Variants in ZNF599 observed in about 807,000 individuals in gnomAD.
ZNF599 encodes zinc finger protein 599.
A neutral mutation model predicts 11.7 loss-of-function variants in ZNF599; 10 were observed. The ratio of observed to expected loss-of-function variants is 0.86; its 90% CI spans 0.53 to 1.45. ZNF599 has a LOEUF of 1.45. Ranked by LOEUF, ZNF599 falls within the 40% of genes most tolerant of loss-of-function variation. The pLI is 0.00. For synonymous variants in ZNF599, 232 were observed against 253.2 expected (o/e 0.92, Z 0.79); for missense variants, 688 against 713.6 (o/e 0.96, Z 0.41).
intron 2 of ZNF599, among the ~76,000 whole-genome samples, chr19:34,768,103 G>A (rs186671406): frequency 3.3e-5 from 5 of 152,258 alleles, no homozygotes; most frequent in African/African-American, 9.6e-5. Flanking sequence ...GTCCTGGCAC[G>A]CATCCAGCTG....
At chr19:34,765,093 T>A (rs878899891) in intron 3 of ZNF599, 3 of 152,170 alleles carry the variant, frequency 2.0e-5, no homozygotes, top group Non-Finnish European at 4.4e-5. Flanking sequence ...CATTTTTTTT[T>A]AATGTTGAGT....
upstream of ZNF599, among the ~76,000 whole-genome samples, chr19:34,775,696 T>C (rs2069214700): frequency 6.6e-6 from 1 of 152,252 alleles, no homozygotes; most frequent in Non-Finnish European, 1.5e-5. Flanking sequence ...AACACTGCTG[T>C]AACTTAGACC....
the ZNF599 span, among the ~76,000 whole-genome samples, chr19:34,800,594 T>TG: frequency 6.8e-6 from 1 of 146,726 alleles, no homozygotes; most frequent in Non-Finnish European, 1.5e-5. Flanking sequence ...TTGTTTTTTT[T>TG]TTTTTTTTTT....
At chr19:34,765,545 C>T (rs752538080) in intron 3 of ZNF599, 27 of 702,662 alleles carry the variant, frequency 3.8e-5, no homozygotes, top group South Asian at 1.2e-4. Flanking sequence ...TAGTAGATGG[C>T]TAATACACCT....
At position 34,758,976 on chromosome 19, in the gene ZNF599, G is replaced by A; in HGVS notation, c.*58C>T. 1 of 1,505,740 alleles carries A rather than the reference G, an allele frequency of 6.6e-7. No individual in the cohort carries two copies. Among genetic ancestry groups the A allele is most frequent in the Non-Finnish European group, 9.0e-7 (1 of 1,116,604 alleles). 93.3% of individuals were successfully genotyped at this position (1,505,740 alleles called of 1,614,324 possible). On this transcript the variant is annotated 3_prime_UTR_variant, in exon 4 of 4. Coordinates refer to ENST00000329285, the MANE Select transcript of ZNF599 (RefSeq NM_001007248.3). Reference sequence around the variant, plus strand: ...TAGTTATACTCAAAAGGAAAGGTATGTCACCACTATGAGTTCACTAAAGAC... The same window carrying A: ...TAGTTATACTCAAAAGGAAAGGTATATCACCACTATGAGTTCACTAAAGAC...
At chr19:34,804,297 C>T in the ZNF599 span, among the ~76,000 whole-genome samples, 1 of 152,266 alleles carries the variant, frequency 6.6e-6, no homozygotes, top group Non-Finnish European at 1.5e-5. Context: ...TCTGTATCCA[C>T]ATGAATGTCT....
the ZNF599 span, among the ~76,000 whole-genome samples, chr19:34,797,893 G>A: frequency 5.4e-4 from 82 of 152,238 alleles, no homozygotes; most frequent in Non-Finnish European, 6.9e-4. Context: ...TAGAAGAGTC[G>A]TGGCAAGATA....
intron 3 of ZNF599, among the ~76,000 whole-genome samples, chr19:34,762,253 T>C (rs2069117904): frequency 6.6e-6 from 1 of 152,152 alleles, no homozygotes; most frequent in Non-Finnish European, 1.5e-5. Context: ...CCTTTCTTGG[T>C]AATAGGGGAA....
the ZNF599 span, among the ~76,000 whole-genome samples, chr19:34,787,312 T>A: frequency 6.6e-6 from 1 of 152,004 alleles, no homozygotes; most frequent in African/African-American, 2.4e-5. Context: ...AAACGAAATG[T>A]CCCTTTTGCT....
the ZNF599 span, among the ~76,000 whole-genome samples, chr19:34,791,509 A>G: frequency 6.6e-6 from 1 of 152,220 alleles, no homozygotes; most frequent in Non-Finnish European, 1.5e-5. Flanking sequence ...TCTGTGTTAC[A>G]ATAGCCAGCA....
At chr19:34,786,975 C>G in the ZNF599 span, among the ~76,000 whole-genome samples, 5 of 152,130 alleles carry the variant, frequency 3.3e-5, no homozygotes, top group African/African-American at 1.2e-4. Flanking sequence ...AACATTGGGA[C>G]CACCTGATAA....
chr19:34,772,398 A>C, intron 1 of ZNF599: 2 of 1,006,970 alleles, frequency 2.0e-6, no homozygotes. Context: ...TTCCGCTGGA[A>C]TGATCCCCTA....
Position 34,758,997 on chromosome 19 carries a change from A to C in ZNF599, c.*37T>G. 1 of 1,556,886 alleles carries C rather than the reference A, an allele frequency of 6.4e-7. No homozygotes were observed. The highest frequency in any genetic ancestry group is 8.7e-7 in the Non-Finnish European group (1 of 1,151,518). ...GTATGTCACCACTATGAGTTCACTA[A>C]AGACAAACACACTTGTAATAGGCCT... On this transcript the variant is annotated 3_prime_UTR_variant, in exon 4 of 4. Coordinates refer to ENST00000329285, the MANE Select transcript of ZNF599 (RefSeq NM_001007248.3).
chr19:34,768,409 G>A (rs1440794104), intron 2 of ZNF599, among the ~76,000 whole-genome samples: 2 of 152,162 alleles, frequency 1.3e-5, no homozygotes, highest in Non-Finnish European at 2.9e-5. Context: ...TCGTGAGGAC[G>A]CAGGACTGGG....
chr19:34,787,168 C>T, the ZNF599 span, among the ~76,000 whole-genome samples: 1 of 152,142 alleles, frequency 6.6e-6, no homozygotes, highest in South Asian at 2.1e-4. Flanking sequence ...TAGAGCTTTG[C>T]ACAGGACCTG....
At chr19:34,792,336 C>T in the ZNF599 span, among the ~76,000 whole-genome samples, 1 of 152,088 alleles carries the variant, frequency 6.6e-6, no homozygotes, top group African/African-American at 2.4e-5. Context: ...GAACAAAATC[C>T]CGGGATGAAG....
At chr19:34,763,629 G>A (rs1246547811) in intron 3 of ZNF599, 1 of 152,192 alleles carries the variant, frequency 6.6e-6, no homozygotes, top group Non-Finnish European at 1.5e-5. Flanking sequence ...CTAGACCTGA[G>A]AGAAAACACA....
chr19:34,777,273 C>A (rs2069220116), upstream of ZNF599, among the ~76,000 whole-genome samples: 1 of 112,612 alleles, frequency 8.9e-6, no homozygotes, highest in Admixed American at 1.0e-4. Flanking sequence ...ATATCCAGAG[C>A]AAATATTTTA....
chr19:34,778,770 A>T, the ZNF599 span, among the ~76,000 whole-genome samples: 1 of 152,240 alleles, frequency 6.6e-6, no homozygotes, highest in Non-Finnish European at 1.5e-5. Context: ...AACACCATTC[A>T]TGAATGACTG....
Sources: gnomAD v4.1 joint callset for allele counts (sites outside exome capture counted in the v4.1 genomes callset) on GRCh38, gnomAD v4.1.1 for gene constraint, MANE v1.5 for transcripts, NCBI Gene and HGNC (gene_info 2026-07-23, HGNC 2026-07-21) for gene names.